The following RARS2 variants were observed in gnomAD, a reference collection of about 807,000 sequenced individuals.
RARS2 encodes the protein arginyl-tRNA synthetase 2, mitochondrial, also known as probable arginine--tRNA ligase, mitochondrial.
In RARS2, 67 loss-of-function variants were observed where a neutral mutation model predicts 88.5. That is an observed-to-expected ratio of 0.76 (90% CI 0.62 to 0.93). The LOEUF (loss-of-function observed/expected upper bound fraction) is 0.93, where lower values mean the gene tolerates loss of function less well. RARS2 is among the 40% of genes least tolerant of loss of function. The pLI is 0.00. For missense variants in RARS2, 664 were observed against 684.2 expected (o/e 0.97, Z 0.33); for synonymous variants, 239 against 230.3 (o/e 1.04, Z -0.34).
At chr6:87,527,614 GA>G (rs1356203278) in intron 10 of RARS2, among the ~76,000 whole-genome samples, 1 of 152,056 alleles carries the variant, frequency 6.6e-6, no homozygotes, top group African/African-American at 2.4e-5. Context: ...AAAATGAAGA[GA>G]CAACCTAGAG....
intron 3 of RARS2, 44 bp from the exon 4 acceptor site, chr6:87,562,829 G>C (rs781557527): frequency 3.6e-5 from 51 of 1,422,520 alleles, no homozygotes; most frequent in Non-Finnish European, 4.4e-5. Flanking sequence ...TATATAATAG[G>C]CCTAATGAGA....
At chr6:87,588,320 A>G (rs2128234182) in intron 1 of RARS2, among the ~76,000 whole-genome samples, 1 of 152,270 alleles carries the variant, frequency 6.6e-6, no homozygotes, top group African/African-American at 2.4e-5. Context: ...AAATAACTTA[A>G]TCATTCATTA....
At chr6:87,562,576 TG>T in intron 4 of RARS2, 125 bp downstream of exon 4, 1 of 719,046 alleles carries the variant, frequency 1.4e-6, no homozygotes, top group Non-Finnish European at 2.5e-6. Flanking sequence ...CTCCAAGTTA[TG>T]GATCAGTATG....
intron 1 of RARS2, among the ~76,000 whole-genome samples, chr6:87,570,122 C>T (rs1033096842): frequency 7.2e-5 from 11 of 152,022 alleles, no homozygotes; most frequent in African/African-American, 2.7e-4. Flanking sequence ...ATGTGATCCC[C>T]GTCCCTATCA....
intron 5 of RARS2, among the ~76,000 whole-genome samples, chr6:87,553,366 A>G (rs1410183645): frequency 6.6e-6 from 1 of 152,192 alleles, no homozygotes; most frequent in Non-Finnish European, 1.5e-5. Flanking sequence ...TTCCTAATCC[A>G]TGGTGTCATA....
At chr6:87,559,636 C>T (rs999880258) in intron 4 of RARS2, among the ~76,000 whole-genome samples, 3 of 152,124 alleles carry the variant, frequency 2.0e-5, no homozygotes, top group South Asian at 2.1e-4. Context: ...GAATTACAGG[C>T]GTGAGCCACC....
At chr6:87,550,420 A>G (rs1783963371) in intron 5 of RARS2, among the ~76,000 whole-genome samples, 1 of 152,184 alleles carries the variant, frequency 6.6e-6, no homozygotes, top group African/African-American at 2.4e-5. Context: ...TTATATTAGA[A>G]AAAAGGTTTT....
intron 8 of RARS2, among the ~76,000 whole-genome samples, chr6:87,535,413 G>C (rs1444732499): frequency 6.6e-6 from 1 of 152,120 alleles, no homozygotes. Context: ...ATCACTCATT[G>C]AATCGGTGCT....
At chr6:87,589,690 G>T in intron 1 of RARS2, 1 of 985,360 alleles carries the variant, frequency 1.0e-6, no homozygotes, top group Non-Finnish European at 1.2e-6. Context: ...AGAGAAGAAA[G>T]CACCAGGTAC....
chr6:87,560,996 G>C (rs963164038), intron 4 of RARS2, among the ~76,000 whole-genome samples: 3 of 152,186 alleles, frequency 2.0e-5, no homozygotes, highest in Non-Finnish European at 4.4e-5. Context: ...ATTATGTACA[G>C]TACATAATAC....
In RARS2 at chr6:87,514,458, G is replaced by C. The variant is rs760078372; in HGVS notation, c.1692C>G (p.Ala564=). 1.2e-6 allele frequency: 2 copies of C among 1,612,860 alleles called. No individual in the cohort carries two copies. The highest frequency in any genetic ancestry group is 3.3e-5 in the Admixed American group (2 of 60,006). Reference sequence around the variant, plus strand: ...TTATTCCAAGAAGTTTCATTCCATTGGCTAGGACAGAACGGACAGCTTTGA... The same window carrying C: ...TTATTCCAAGAAGTTTCATTCCATTCGCTAGGACAGAACGGACAGCTTTGA... ...HLFKAVRSVL[A]NGMKLLGITP... The change falls in exon 20 of 20, where the codon GCC becomes GCG. Residue 564 remains alanine, a synonymous_variant. Transcript: ENST00000369536.
intron 1 of RARS2, 142 bp downstream of exon 1, chr6:87,589,780 G>C (rs922466283): frequency 3.8e-6 from 6 of 1,586,852 alleles, no homozygotes; most frequent in East Asian, 2.3e-5. Flanking sequence ...ACCAGCTCCA[G>C]AGAAGGGGGA....
At chr6:87,559,366 C>T (rs1198605761) in intron 4 of RARS2, among the ~76,000 whole-genome samples, 2 of 148,162 alleles carry the variant, frequency 1.3e-5, no homozygotes, top group African/African-American at 5.0e-5. Flanking sequence ...ACTTGGGAGG[C>T]TGAGGCAGGA....
chr6:87,522,537 G>A (rs1428094704), intron 11 of RARS2, among the ~76,000 whole-genome samples: 1 of 152,062 alleles, frequency 6.6e-6, no homozygotes, highest in Non-Finnish European at 1.5e-5. Context: ...ATACTGGAAA[G>A]ACTGAAAAAA....
At chr6:87,539,058 G>GAATGAATAAATA (rs71554731) in intron 8 of RARS2, among the ~76,000 whole-genome samples, 4 of 150,442 alleles carry the variant, frequency 2.7e-5, no homozygotes, top group African/African-American at 9.8e-5. Flanking sequence ...ATAAATAAAT[G>GAATGAATAAATA]AATAAATAAA....
chr6:87,538,177 C>T (rs1474957513), intron 8 of RARS2, among the ~76,000 whole-genome samples: 1 of 152,112 alleles, frequency 6.6e-6, no homozygotes, highest in East Asian at 1.9e-4. Flanking sequence ...ATTTTCTGTC[C>T]TGCAAAAGGA....
chr6:87,536,020 G>A (rs1220109906), intron 8 of RARS2, among the ~76,000 whole-genome samples: 3 of 151,956 alleles, frequency 2.0e-5, no homozygotes, highest in Admixed American at 6.6e-5. Flanking sequence ...CTAGGATACA[G>A]GCTAATCCAT....
chr6:87,562,568 C>T (rs1788165380), intron 4 of RARS2, 134 bp downstream of exon 4: 3 of 704,580 alleles, frequency 4.3e-6, no homozygotes, highest in East Asian at 5.4e-5. Context: ...GTGGTACTCT[C>T]CAAGTTATGG....
intron 6 of RARS2, 54 bp downstream of exon 6, chr6:87,548,537 T>C (rs1783319310): frequency 1.9e-6 from 3 of 1,538,620 alleles, no homozygotes; most frequent in Non-Finnish European, 2.7e-6. Flanking sequence ...AATTGAACTA[T>C]CAAATACTTC....
Sources: allele counts gnomAD v4.1 joint callset (sites outside exome capture counted in the v4.1 genomes callset), GRCh38; gene constraint gnomAD v4.1.1; transcripts MANE v1.5; gene names NCBI Gene and HGNC (gene_info 2026-07-23, HGNC 2026-07-21).